The following SGCZ variants were observed in gnomAD, a reference collection of about 807,000 sequenced individuals.
SGCZ encodes the protein sarcoglycan zeta, also known as zeta-sarcoglycan.
Under a neutral mutation model 41.3 loss-of-function variants are expected in SGCZ, and 40 were observed. The observed-to-expected ratio is 0.97, with a 90% CI of 0.75 to 1.26. The LOEUF is 1.26. SGCZ is among the 50% of genes most tolerant of loss of function. The pLI is 0.00. For synonymous variants in SGCZ, 206 were observed against 137.5 expected, an observed-to-expected ratio of 1.50 and a Z score of -3.49; for missense variants, 552 against 369.8, an observed-to-expected ratio of 1.49 and a Z score of -4.04.
intron 1 of SGCZ, among the ~76,000 whole-genome samples, chr8:14,926,439 G>A (rs532889503): frequency 6.6e-6 from 1 of 152,066 alleles, no homozygotes; most frequent in Admixed American, 6.6e-5. Flanking sequence ...ATCTAGATAA[G>A]TATCATCCCT....
At chr8:14,153,643 T>G (rs1189775398) in intron 5 of SGCZ, among the ~76,000 whole-genome samples, 1 of 152,120 alleles carries the variant, frequency 6.6e-6, no homozygotes, top group Non-Finnish European at 1.5e-5. Flanking sequence ...TTGTTTGGAA[T>G]TCAGCTACTA....
chr8:14,622,149 G>T (rs780600031), intron 1 of SGCZ, among the ~76,000 whole-genome samples: 7 of 152,148 alleles, frequency 4.6e-5, no homozygotes, highest in Non-Finnish European at 1.0e-4. Flanking sequence ...CATGGGAGAA[G>T]CTAGGAAAGG....
At chr8:14,791,030 CAAAAAAAAAAG>C (rs1344804195) in intron 1 of SGCZ, among the ~76,000 whole-genome samples, 8 of 111,948 alleles carry the variant, frequency 7.1e-5, no homozygotes, top group Non-Finnish European at 1.3e-4. Flanking sequence ...GACTCTGTCT[CAAAAAAAAAAG>C]AAAAAAAAAA....
chr8:14,221,743 C>G lies in SGCZ; in HGVS notation c.424+15849G>C, dbSNP rs183052618. Among the ~76,000 whole-genome samples, 102 of 152,180 alleles carry G rather than the reference C, an allele frequency of 6.7e-4. 1 individual carries two copies. The East Asian group carries it at 0.013, about 19-fold the overall frequency. ...CTGAGGTCAGGAGTTCAAGATCAGC[C>G]TGGCCAACATGGTGAAACCTCATCT... On this transcript the variant is annotated intron_variant, in intron 4 of 7. Transcript: ENST00000382080.
intron 1 of SGCZ, among the ~76,000 whole-genome samples, chr8:14,680,376 A>G (rs537211738): frequency 6.6e-6 from 1 of 152,260 alleles, no homozygotes; most frequent in South Asian, 2.1e-4. Flanking sequence ...ATGTCAGTAT[A>G]GGTTAACCAG....
chr8:14,688,394 G>C (rs1334597750), intron 1 of SGCZ, among the ~76,000 whole-genome samples: 2 of 152,112 alleles, frequency 1.3e-5, no homozygotes, highest in Non-Finnish European at 1.5e-5. Context: ...AAGGGATCCA[G>C]GTTCAGCTTT....
chr8:14,117,712 C>T (rs1802568304), intron 5 of SGCZ, among the ~76,000 whole-genome samples: 1 of 151,584 alleles, frequency 6.6e-6, no homozygotes, highest in Non-Finnish European at 1.5e-5. Flanking sequence ...TTAGGTATTT[C>T]TCCTAATGTT....
At chr8:14,601,978 G>A (rs1805604740) in intron 1 of SGCZ, among the ~76,000 whole-genome samples, 1 of 151,984 alleles carries the variant, frequency 6.6e-6, no homozygotes, top group Non-Finnish European at 1.5e-5. Flanking sequence ...AAATTAGCCG[G>A]GCCTGGTGGC....
chr8:15,018,507 A>G (rs1803127075), intron 1 of SGCZ, among the ~76,000 whole-genome samples: 1 of 152,214 alleles, frequency 6.6e-6, no homozygotes, highest in African/African-American at 2.4e-5. Context: ...GATAAAGGAA[A>G]CCAGCCCTAC....
intron 4 of SGCZ, among the ~76,000 whole-genome samples, chr8:14,179,284 G>C (rs889855085): frequency 2.0e-5 from 3 of 152,222 alleles, no homozygotes; most frequent in Non-Finnish European, 4.4e-5. Flanking sequence ...TGTACATGCA[G>C]CCGTATCCAA....
In SGCZ at chr8:14,150,158, G is replaced by A. The variant is rs149793085; in HGVS notation, c.547+14422C>T. On this transcript the variant is annotated intron_variant, in intron 5 of 7. Coordinates refer to ENST00000382080, the MANE Select transcript of SGCZ (RefSeq NM_139167.4). Reference sequence around the variant, plus strand: ...ATACCTGACAAGCACAGACAACCACGGCAAGAATGGACAAATAGGATCAAA... The same window carrying A: ...ATACCTGACAAGCACAGACAACCACAGCAAGAATGGACAAATAGGATCAAA... Among the ~76,000 whole-genome samples the A allele has an allele frequency of 5.0e-3, 765 of 152,074 alleles. 4 individuals carry two copies. The highest frequency in any genetic ancestry group is 8.1e-3 in the Non-Finnish European group (551 of 67,926).
At chr8:15,117,828 T>C (rs774026378) in intron 1 of SGCZ, among the ~76,000 whole-genome samples, 3 of 152,188 alleles carry the variant, frequency 2.0e-5, no homozygotes, top group African/African-American at 4.8e-5. Context: ...GCTAAGTAGA[T>C]CTAGGGCCAA....
chr8:14,171,436 G>C (rs1362191348), intron 4 of SGCZ, among the ~76,000 whole-genome samples: 1 of 151,802 alleles, frequency 6.6e-6, no homozygotes, highest in African/African-American at 2.4e-5. Context: ...AACTTGTTTA[G>C]TTGCAGAAGT....
chr8:14,987,790 A>G (rs1480693), intron 1 of SGCZ, among the ~76,000 whole-genome samples: 8,200 of 152,046 alleles, frequency 0.054, 464 homozygotes, highest in African/African-American at 0.14. Flanking sequence ...CAAACGGAGG[A>G]AAAGGTAATT....
intron 1 of SGCZ, among the ~76,000 whole-genome samples, chr8:15,167,831 T>C (rs545726660): frequency 2.3e-4 from 35 of 152,352 alleles, no homozygotes; most frequent in South Asian, 8.3e-4. Context: ...CCTCTGGCTG[T>C]AGATCAGAAA....
chr8:14,474,882 G>A (rs1410721822), intron 2 of SGCZ, among the ~76,000 whole-genome samples: 1 of 152,098 alleles, frequency 6.6e-6, no homozygotes, highest in East Asian at 1.9e-4. Flanking sequence ...CAAAATGTGT[G>A]AGATAAATTT....
At chr8:14,293,552 A>G (rs1217990490) in intron 3 of SGCZ, among the ~76,000 whole-genome samples, 1 of 151,982 alleles carries the variant, frequency 6.6e-6, no homozygotes, top group East Asian at 1.9e-4. Flanking sequence ...ACATATGTCA[A>G]TAATTTCTAG....
intron 1 of SGCZ, among the ~76,000 whole-genome samples, chr8:15,213,217 A>C (rs56035660): frequency 0.034 from 5,220 of 152,044 alleles, 315 homozygotes; most frequent in African/African-American, 0.12. Context: ...AGTAGTTCTT[A>C]AGGTTTAAAC....
intron 2 of SGCZ, among the ~76,000 whole-genome samples, chr8:14,549,177 G>T (rs1048400274): frequency 7.2e-5 from 11 of 151,796 alleles, no homozygotes; most frequent in African/African-American, 2.4e-4. Context: ...GTCTAAAAAA[G>T]AAAAGACAGG....
Sources: gnomAD v4.1 joint callset for allele counts (sites outside exome capture counted in the v4.1 genomes callset) on GRCh38, gnomAD v4.1.1 for gene constraint, MANE v1.5 for transcripts, NCBI Gene and HGNC (gene_info 2026-07-23, HGNC 2026-07-21) for gene names.